ATP6V0A4: variants seen among roughly 807,000 people sequenced by gnomAD.
ATP6V0A4 encodes the protein V-type proton ATPase 116 kDa subunit a 4.
A neutral mutation model predicts 107.3 loss-of-function variants in ATP6V0A4; 86 were observed. The ratio of observed to expected loss-of-function variants is 0.80; its 90% CI spans 0.67 to 0.96. The LOEUF is 0.96. Ranked by LOEUF, ATP6V0A4 falls within the 40% of genes least tolerant of loss-of-function variation. The probability of loss-of-function intolerance (pLI) is 0.00; values close to 1 mark genes in which losing one functional copy is unlikely to be tolerated. For synonymous variants in ATP6V0A4, 353 were observed against 381.4 expected (o/e 0.93, Z 0.87); for missense variants, 908 against 1,045.6 (o/e 0.87, Z 1.81).
chr7:138,748,181 C>T (rs1055240886), intron 12 of ATP6V0A4, among the ~76,000 whole-genome samples: 1 of 151,952 alleles, frequency 6.6e-6, no homozygotes, highest in Non-Finnish European at 1.5e-5. Flanking sequence ...ACAAGATCAG[C>T]TTTCTCTCTC....
At chr7:138,737,268 C>T (rs1208056984) in intron 15 of ATP6V0A4, among the ~76,000 whole-genome samples, 1 of 151,190 alleles carries the variant, frequency 6.6e-6, no homozygotes, top group East Asian at 2.0e-4. Flanking sequence ...GGGTGGTTTC[C>T]TCCATACTGT....
intron 15 of ATP6V0A4, among the ~76,000 whole-genome samples, chr7:138,737,115 A>ATATATATATATATATATATATATAT (rs540225443): frequency 0.026 from 2,249 of 85,978 alleles, 382 homozygotes; most frequent in African/African-American, 0.032. Context: ...AGCCCTTATT[A>ATATATATATATATATATATATATAT]ATATATATAT....
intron 1 of ATP6V0A4, among the ~76,000 whole-genome samples, chr7:138,793,805 C>T (rs1324364059): frequency 1.3e-5 from 2 of 152,170 alleles, no homozygotes; most frequent in African/African-American, 2.4e-5. Flanking sequence ...AGGTTGTTTT[C>T]GCCAAGAGGA....
At chr7:138,753,363 C>T (rs1389288164) in intron 10 of ATP6V0A4, among the ~76,000 whole-genome samples, 1 of 152,156 alleles carries the variant, frequency 6.6e-6, no homozygotes, top group East Asian at 1.9e-4. Context: ...GGAGGGGGCT[C>T]CCTTCAGGTC....
chr7:138,752,234 G>A (rs995824401), intron 11 of ATP6V0A4, among the ~76,000 whole-genome samples: 10 of 152,062 alleles, frequency 6.6e-5, no homozygotes, highest in Admixed American at 2.6e-4. Context: ...GCTGGACGTG[G>A]TAGGGCGCAC....
At chr7:138,739,422 T>C in intron 15 of ATP6V0A4, 118 bp downstream of exon 15, 1 of 1,309,284 alleles carries the variant, frequency 7.6e-7, no homozygotes. Flanking sequence ...GCAGAAGTTA[T>C]TTTATCTCAA....
At chr7:138,777,631 A>AT (rs1274092641) in intron 2 of ATP6V0A4, among the ~76,000 whole-genome samples, 4,495 of 119,554 alleles carry the variant, frequency 0.038, 45 homozygotes, top group Non-Finnish European at 0.046. Flanking sequence ...AAAAAAAAAA[A>AT]ATACACACAC....
intron 1 of ATP6V0A4, among the ~76,000 whole-genome samples, chr7:138,786,514 C>T (rs3734935): frequency 0.19 from 28,214 of 151,482 alleles, 2,760 homozygotes; most frequent in East Asian, 0.22. Context: ...GGGAGGTCGA[C>T]GCTGCAGTGA....
intron 6 of ATP6V0A4, 137 bp downstream of exon 6, chr7:138,762,762 TC>T (rs1017286806): frequency 1.9e-6 from 2 of 1,064,226 alleles, no homozygotes; most frequent in Admixed American, 3.6e-5. Flanking sequence ...CCCAAAATAC[TC>T]CCCCGCCCTC....
intron 3 of ATP6V0A4, 77 bp downstream of exon 3, chr7:138,771,053 AC>A (rs1807355761): frequency 6.6e-6 from 9 of 1,356,392 alleles, no homozygotes; most frequent in Non-Finnish European, 8.4e-6. Context: ...GTTATTGTTC[AC>A]CATAAAGAAG....
intron 3 of ATP6V0A4, among the ~76,000 whole-genome samples, chr7:138,770,733 G>A (rs1807339585): frequency 6.6e-6 from 1 of 152,144 alleles, no homozygotes; most frequent in South Asian, 2.1e-4. Flanking sequence ...CTGGACTCCA[G>A]AATACTTTGT....
At chr7:138,744,709 CTT>C (rs59822153) in intron 14 of ATP6V0A4, among the ~76,000 whole-genome samples, 1 of 149,948 alleles carries the variant, frequency 6.7e-6, no homozygotes. Flanking sequence ...TTTTCTTTTT[CTT>C]TTTTTTTTGG....
intron 20 of ATP6V0A4, among the ~76,000 whole-genome samples, chr7:138,710,074 G>A (rs1340461176): frequency 6.6e-6 from 1 of 151,940 alleles, no homozygotes; most frequent in Non-Finnish European, 1.5e-5. Flanking sequence ...CACCCAGGCT[G>A]GAATGCCATA....
chr7:138,756,571 G>GT (rs1806526275), intron 8 of ATP6V0A4, 31 bp from the exon 9 acceptor site: 1 of 1,598,198 alleles, frequency 6.3e-7, no homozygotes, highest in Non-Finnish European at 8.5e-7. Flanking sequence ...AAAAAAAAAG[G>GT]GGGGGGTTTC....
intron 20 of ATP6V0A4, among the ~76,000 whole-genome samples, chr7:138,714,567 CAG>C (rs1403369371): frequency 7.2e-5 from 11 of 151,762 alleles, no homozygotes; most frequent in Non-Finnish European, 1.6e-4. Context: ...GATAGACAGA[CAG>C]ACAGACAGAC....
At chr7:138,759,718 C>A in intron 8 of ATP6V0A4, 34 bp downstream of exon 8, 1 of 1,612,818 alleles carries the variant, frequency 6.2e-7, no homozygotes, top group Non-Finnish European at 8.5e-7. Context: ...TATGGGAAGT[C>A]TCAGAGAAAG....
intron 7 of ATP6V0A4, among the ~76,000 whole-genome samples, chr7:138,760,967 C>CT (rs985576663): frequency 4.0e-5 from 6 of 151,798 alleles, no homozygotes; most frequent in East Asian, 1.9e-4. Context: ...TATCCCATTT[C>CT]TTTTTTTTAT....
chr7:138,771,186 G>C lies in ATP6V0A4; in HGVS notation c.62C>G (p.Ala21Gly), dbSNP rs754242050. The C allele has an allele frequency of 2.5e-6, 4 of 1,614,156 alleles. No homozygotes were observed. In the South Asian group the frequency reaches 4.4e-5, roughly 18 times the overall value. Residue 21 changes from alanine (A) to glycine (G), a missense_variant, in exon 3 of 22, where the codon GCT (alanine) becomes GGT (glycine). Physicochemically the swap from Ala to Gly is moderately conservative, Grantham distance 60 (BLOSUM62 0). Transcript: ENST00000310018. ...CLSQLFLQVE[A>G]AYCCVAELGE... ...GAGCTCAGCCACACAGCAATATGCAGCTTCCACCTGGAGAAACAGTTGTGA... is the reference window on the plus strand; with the variant it reads ...GAGCTCAGCCACACAGCAATATGCACCTTCCACCTGGAGAAACAGTTGTGA...
intron 18 of ATP6V0A4, among the ~76,000 whole-genome samples, chr7:138,723,804 G>A (rs1339849309): frequency 6.6e-6 from 1 of 151,860 alleles, no homozygotes; most frequent in Non-Finnish European, 1.5e-5. Context: ...ACGATTACAG[G>A]CGTGAGCCAC....
Sources: allele counts gnomAD v4.1 joint callset (sites outside exome capture counted in the v4.1 genomes callset), GRCh38; gene constraint gnomAD v4.1.1; transcripts MANE v1.5; gene names NCBI Gene and HGNC (gene_info 2026-07-23, HGNC 2026-07-21).